TFG: variants seen among roughly 807,000 people sequenced by gnomAD.
TFG encodes protein TFG.
In TFG, 22 loss-of-function variants were observed where a neutral mutation model predicts 51.4. That is an observed-to-expected ratio of 0.43 (90% CI 0.31 to 0.61). TFG has a LOEUF of 0.61. TFG is among the 20% of genes least tolerant of loss of function. The pLI is 0.12. For synonymous variants in TFG, 187 were observed against 165.6 expected (o/e 1.13, Z -0.99); for missense variants, 419 against 487.7 (o/e 0.86, Z 1.33).
chr3:100,719,063 A>G (rs1411446133), intron 2 of TFG, among the ~76,000 whole-genome samples: 1 of 152,256 alleles, frequency 6.6e-6, no homozygotes, highest in Non-Finnish European at 1.5e-5. Context: ...ACATTAAACA[A>G]GTATGTTATG....
At chr3:100,745,009 G>T in intron 7 of TFG, 78 bp downstream of exon 7, 1 of 768,812 alleles carries the variant, frequency 1.3e-6, no homozygotes, top group Non-Finnish European at 2.1e-6. Context: ...TTAATTCCTT[G>T]ATTTGTAGTA....
intron 2 of TFG, among the ~76,000 whole-genome samples, chr3:100,718,464 G>A (rs1187480407): frequency 2.0e-5 from 3 of 150,724 alleles, no homozygotes; most frequent in Non-Finnish European, 2.9e-5. Context: ...GATTTTGTCC[G>A]TTGGTCACAG....
At chr3:100,716,982 T>C (rs1049794739) in intron 2 of TFG, among the ~76,000 whole-genome samples, 2 of 152,198 alleles carry the variant, frequency 1.3e-5, no homozygotes, top group Admixed American at 1.3e-4. Flanking sequence ...CCTCCCATTC[T>C]GTAAGTTCTC....
At chr3:100,738,659 G>C (rs1230739688) in intron 6 of TFG, among the ~76,000 whole-genome samples, 1 of 152,134 alleles carries the variant, frequency 6.6e-6, no homozygotes, top group Non-Finnish European at 1.5e-5. Context: ...TTTTAGAGTA[G>C]TATTGTATGC....
intron 3 of TFG, among the ~76,000 whole-genome samples, chr3:100,721,488 A>G (rs1279705470): frequency 2.0e-5 from 3 of 152,216 alleles, no homozygotes; most frequent in African/African-American, 4.8e-5. Flanking sequence ...GGGAAAGTCA[A>G]GGAAGCTTAA....
intron 3 of TFG, among the ~76,000 whole-genome samples, chr3:100,725,131 C>A (rs746506910): frequency 3.7e-4 from 57 of 152,240 alleles, no homozygotes; most frequent in Non-Finnish European, 7.4e-4. Flanking sequence ...TGGTCTCGAT[C>A]TCCTGACCTT....
chr3:100,748,206 A>G lies in TFG; in HGVS notation c.878A>G (p.Gln293Arg). Residue 293 changes from glutamine (Q) to arginine (R), a missense_variant, in exon 8 of 8, where the codon CAG becomes CGG. Gln to Arg is a conservative substitution (Grantham distance 43). Around this residue, in one of 3 missense-constraint regions of TFG, gnomAD observed 391 missense variants for 434.4 expected, o/e 0.90. Coordinates refer to ENST00000240851, the MANE Select transcript of TFG (RefSeq NM_006070.6). ...CCTCAGCAGTTCCAGGGATATGGCC[A>G]GCAACCAACTTCCCAGGCACCAGCT... ...QQPQQFQGYG[Q>R]QPTSQAPAPA... The G allele has an allele frequency of 7.4e-6, 12 of 1,614,130 alleles. No homozygotes were observed. Among genetic ancestry groups the G allele is most frequent in the Non-Finnish European group, 1.0e-5 (12 of 1,179,988 alleles).
At chr3:100,734,055 T>C (rs1185010011) in intron 5 of TFG, among the ~76,000 whole-genome samples, 1 of 150,768 alleles carries the variant, frequency 6.6e-6, no homozygotes, top group Non-Finnish European at 1.5e-5. Context: ...TCACAGAAGT[T>C]TTTTTTTTTG....
At chr3:100,728,625 AATTGT>A (rs1356259546) in intron 3 of TFG, 82 bp from the exon 4 acceptor site, 3 of 1,151,810 alleles carry the variant, frequency 2.6e-6, no homozygotes, top group African/African-American at 3.3e-5. Flanking sequence ...TTTTTAAAGG[AATTGT>A]ATTTATTTTT....
chr3:100,732,715 T>C (rs1234297996), intron 5 of TFG, 43 bp downstream of exon 5: 5 of 1,451,832 alleles, frequency 3.4e-6, no homozygotes, highest in Non-Finnish European at 4.7e-6. Context: ...GTTTCCTTCA[T>C]CTTTCCGTTC....
intron 2 of TFG, among the ~76,000 whole-genome samples, chr3:100,718,311 T>G (rs114055260): frequency 6.6e-5 from 10 of 152,196 alleles, no homozygotes; most frequent in Non-Finnish European, 1.2e-4. Context: ...AACTACTGTT[T>G]AGGGCAAAGG....
At chr3:100,719,008 C>A in intron 2 of TFG, among the ~76,000 whole-genome samples, 1 of 152,274 alleles carries the variant, frequency 6.6e-6, no homozygotes, top group East Asian at 1.9e-4. Context: ...TCTTCTTTTA[C>A]ATACATACTT....
chr3:100,720,065 A>G lies in TFG; in HGVS notation c.268+7A>G, dbSNP rs1325276402. On this transcript the variant is annotated splice_region_variant and intron_variant, in intron 3 of 7. Coordinates refer to ENST00000240851, the MANE Select transcript of TFG (RefSeq NM_006070.6). ...CTGAAACTGACATTATTTGGTGAGTAGTAAACTTTCTAATGAATTTACTAT... is the reference window on the plus strand; with the variant it reads ...CTGAAACTGACATTATTTGGTGAGTGGTAAACTTTCTAATGAATTTACTAT... 2.6e-6 allele frequency: 4 copies of G among 1,514,142 alleles called. No individual in the cohort carries two copies. Among genetic ancestry groups the G allele is most frequent in the Non-Finnish European group, 3.6e-6 (4 of 1,121,548 alleles). 93.8% of individuals were successfully genotyped at this position (1,514,142 alleles called of 1,614,324 possible). A position where few individuals can be genotyped will look rare whatever the true frequency, so the allele number is the denominator to read the frequency against.
intron 5 of TFG, among the ~76,000 whole-genome samples, chr3:100,734,936 TGTG>T (rs981281184): frequency 1.5e-4 from 23 of 152,290 alleles, no homozygotes; most frequent in East Asian, 1.2e-3. Context: ...TCAGGTGTGA[TGTG>T]GTAAAAATGT....
rs558624780 is a variant in TFG, at chr3:100,748,935, A to ATGAT, written c.*405_*408dup. ...ATATTATGTATAAAATGTAACACTG[A>ATGAT]TGATAGGTTAATAAAGATGATTGAA... On this transcript the variant is annotated 3_prime_UTR_variant, in exon 8 of 8. Coordinates refer to ENST00000240851, the MANE Select transcript of TFG (RefSeq NM_006070.6). The ATGAT allele has an allele frequency of 8.5e-4, 174 of 205,260 alleles. 2 individuals carry two copies. The highest frequency in any genetic ancestry group is 1.1e-3 in the South Asian group (6 of 5,588). The allele number at this position is 205,260 out of a possible 1,614,324, so 12.7% of individuals were successfully genotyped here.
chr3:100,746,753 TA>T (rs66999419), intron 7 of TFG, among the ~76,000 whole-genome samples: 4,515 of 151,156 alleles, frequency 0.03, 181 homozygotes, highest in African/African-American at 0.092. Flanking sequence ...CAGGCCCAGT[TA>T]AAAAAAAACA....
rs1220714264 is a variant in TFG, at chr3:100,713,678, A to G, written c.-8A>G. 2.5e-6 allele frequency: 4 copies of G among 1,582,600 alleles called. No homozygotes were observed. Among genetic ancestry groups the G allele is most frequent in the Non-Finnish European group, 2.6e-6 (3 of 1,160,632 alleles). ...GAGTTGTATATATAGAACATCCTGG[A>G]GTCCACCATGAACGGACAGTTGGAT... On this transcript the variant is annotated 5_prime_UTR_variant, in exon 2 of 8. Coordinates refer to ENST00000240851, the MANE Select transcript of TFG (RefSeq NM_006070.6).
At chr3:100,714,976 T>C (rs922649131) in intron 2 of TFG, among the ~76,000 whole-genome samples, 1 of 152,168 alleles carries the variant, frequency 6.6e-6, no homozygotes, top group Non-Finnish European at 1.5e-5. Context: ...ATTTTCTCTT[T>C]AGGTGGTTAC....
intron 6 of TFG, among the ~76,000 whole-genome samples, chr3:100,741,580 A>G (rs923525464): frequency 6.6e-6 from 1 of 152,176 alleles, no homozygotes; most frequent in Non-Finnish European, 1.5e-5. Context: ...AAGAAATGGA[A>G]TTTTAAAAAA....
Sources: allele counts gnomAD v4.1 joint callset (sites outside exome capture counted in the v4.1 genomes callset), GRCh38; gene constraint gnomAD v4.1.1; regional missense constraint gnomAD v4.1.1; transcripts MANE v1.5; gene names NCBI Gene and HGNC (gene_info 2026-07-23, HGNC 2026-07-21).